FXR1: variants seen among roughly 807,000 people sequenced by gnomAD.
FXR1 encodes FMR1 autosomal homolog 1.
In FXR1, 15 loss-of-function variants were observed where a neutral mutation model predicts 84.0. The ratio of observed to expected loss-of-function variants is 0.18; its 90% CI spans 0.12 to 0.27. FXR1 has a LOEUF of 0.27. FXR1 is among the 10% of genes least tolerant of loss of function. The pLI is 1.00. For synonymous variants in FXR1, 245 were observed against 250.7 expected (o/e 0.98, Z 0.21); for missense variants, 480 against 774.4 (o/e 0.62, Z 4.51).
At chr3:180,922,730 A>T (rs1487110997) in intron 1 of FXR1, among the ~76,000 whole-genome samples, 2 of 152,150 alleles carry the variant, frequency 1.3e-5, no homozygotes, top group African/African-American at 4.8e-5. Context: ...CTCCTGCCTC[A>T]GCCTCTGGAG....
At chr3:180,942,889 G>GTTCC (rs1721283577) in intron 3 of FXR1, among the ~76,000 whole-genome samples, 1 of 152,170 alleles carries the variant, frequency 6.6e-6, no homozygotes, top group African/African-American at 2.4e-5. Flanking sequence ...TTATTGAAGT[G>GTTCC]ATATTTTATT....
intron 13 of FXR1, among the ~76,000 whole-genome samples, chr3:180,964,328 T>C (rs1460983237): frequency 6.6e-6 from 1 of 152,180 alleles, no homozygotes; most frequent in East Asian, 1.9e-4. Flanking sequence ...ATTATTAGCA[T>C]AGATAATCAG....
At chr3:180,947,629 C>G (rs563733888) in intron 3 of FXR1, among the ~76,000 whole-genome samples, 10 of 152,106 alleles carry the variant, frequency 6.6e-5, no homozygotes, top group Admixed American at 3.3e-4. Context: ...TTTAGTAAAC[C>G]TCATGAATAT....
In FXR1 at chr3:180,962,876, A is replaced by G. The variant is rs757420130; in HGVS notation, c.1078-7A>G. 3.2e-6 allele frequency: 5 copies of G among 1,587,004 alleles called. No individual in the cohort carries two copies. The highest frequency in any genetic ancestry group is 3.4e-6 in the Non-Finnish European group (4 of 1,159,904). On this transcript the variant is annotated splice_region_variant and splice_polypyrimidine_tract_variant and intron_variant, in intron 11 of 16. Coordinates refer to ENST00000357559, the MANE Select transcript of FXR1 (RefSeq NM_005087.4). Reference sequence around the variant, plus strand: ...AGAAGACTTACTCTTTTTTGTTTTGATTGTAGGAAGTAGAACAGCTAAGAA... The same window carrying G: ...AGAAGACTTACTCTTTTTTGTTTTGGTTGTAGGAAGTAGAACAGCTAAGAA...
At position 180,936,668 on chromosome 3, in the gene FXR1, A is replaced by G. The variant is rs114861634; in HGVS notation, c.198+1437A>G. 5.6e-3 allele frequency among the ~76,000 whole-genome samples: 855 copies of G among 152,322 alleles called. 2 individuals are homozygous for G. Among genetic ancestry groups the G allele is most frequent in the Non-Finnish European group, 8.0e-3 (545 of 68,028 alleles). On this transcript the variant is annotated intron_variant, in intron 3 of 16. Transcript: ENST00000357559. ...CTTCAATCCCTGACAACCTTAACTT[A>G]GTGTACCCACTTTGGTGGAAGTCAA...
chr3:180,945,841 A>G (rs1030510999), intron 3 of FXR1, among the ~76,000 whole-genome samples: 12 of 152,248 alleles, frequency 7.9e-5, no homozygotes, highest in African/African-American at 2.2e-4. Flanking sequence ...AATACACATC[A>G]TCTTTCCCTC....
chr3:180,923,552 C>A (rs972784025), intron 1 of FXR1, among the ~76,000 whole-genome samples: 1 of 151,782 alleles, frequency 6.6e-6, no homozygotes, highest in Admixed American at 6.6e-5. Flanking sequence ...TTTATATAAT[C>A]TGTTAACTAT....
At chr3:180,932,664 C>A (rs971621462) in intron 1 of FXR1, among the ~76,000 whole-genome samples, 1 of 152,026 alleles carries the variant, frequency 6.6e-6, no homozygotes, top group Non-Finnish European at 1.5e-5. Context: ...CCAACATAAT[C>A]GTGAACAGTG....
Position 180,977,774 on chromosome 3 carries a change from T to C in FXR1, c.*1482T>C, listed in dbSNP as rs1714372790. On this transcript the variant is annotated 3_prime_UTR_variant, in exon 17 of 17. Transcript: ENST00000357559. ...GTGTGCATAGTTTGTGTTAATTTTT[T>C]ATGTGCATAAAAATGTGATTTTAAT... 6.6e-6 allele frequency: 1 copy of C among 152,148 alleles called. No individual in the cohort carries two copies. The highest frequency in any genetic ancestry group is 2.4e-5 in the African/African-American group (1 of 41,448). The allele number at this position is 152,148 out of a possible 1,614,324, so 9.4% of individuals were successfully genotyped here.
In FXR1 at chr3:180,979,677, A is replaced by G. The variant is rs114677034; in HGVS notation, c.*3385A>G. ...CAGGAGCTTTTGCAATAAAGCAGTA[A>G]CTGCAATCTGCTAAAGTCAGACTGT... On this transcript the variant is annotated 3_prime_UTR_variant, in exon 17 of 17. Transcript: ENST00000357559. The G allele has an allele frequency of 6.6e-6, 1 of 152,064 alleles. No individual in the cohort carries two copies. The highest frequency in any genetic ancestry group is 2.4e-5 in the African/African-American group (1 of 41,434). The allele number at this position is 152,064 out of a possible 1,614,324, so 9.4% of individuals were successfully genotyped here.
intron 10 of FXR1, among the ~76,000 whole-genome samples, chr3:180,959,939 TTA>T (rs1422782825): frequency 3.3e-5 from 5 of 152,172 alleles, no homozygotes; most frequent in Non-Finnish European, 5.9e-5. Flanking sequence ...TAAACCACGC[TTA>T]GTTTCATATT....
rs1714629909 is a variant in FXR1, at chr3:180,981,957, A to G, written c.*5665A>G. On this transcript the variant is annotated 3_prime_UTR_variant, in exon 17 of 17. Transcript: ENST00000357559. Reference sequence around the variant, plus strand: ...CTTTAAAATATATCTGGAAGCACCAATGAGTAAAGACAAAGGCCCCAAGCT... The same window carrying G: ...CTTTAAAATATATCTGGAAGCACCAGTGAGTAAAGACAAAGGCCCCAAGCT... The G allele has an allele frequency of 6.6e-6, 1 of 152,042 alleles. No individual in the cohort carries two copies. The highest frequency in any genetic ancestry group is 2.1e-4 in the South Asian group (1 of 4,830). 9.4% of individuals were successfully genotyped at this position (152,042 alleles called of 1,614,324 possible).
chr3:180,962,959 C>T lies in FXR1; in HGVS notation c.1135+19C>T. 1 of 1,611,638 alleles carries T rather than the reference C, an allele frequency of 6.2e-7. No individual in the cohort carries two copies. The highest frequency in any genetic ancestry group is 8.5e-7 in the Non-Finnish European group (1 of 1,177,764). On this transcript the variant is annotated intron_variant, in intron 12 of 16. Coordinates refer to ENST00000357559, the MANE Select transcript of FXR1 (RefSeq NM_005087.4). ...CAGATTGGTATGGGTTTCAGACCTT[C>T]TTCCACCAGAGGGCCTGAAAAAGAG...
intron 1 of FXR1, among the ~76,000 whole-genome samples, chr3:180,919,636 TA>T (rs1183019484): frequency 2.0e-5 from 3 of 151,718 alleles, no homozygotes; most frequent in Non-Finnish European, 4.4e-5. Flanking sequence ...TATATTAGGT[TA>T]AATAATATTG....
intron 14 of FXR1, among the ~76,000 whole-genome samples, chr3:180,968,622 G>A (rs1713142472): frequency 6.6e-6 from 1 of 152,124 alleles, no homozygotes; most frequent in Non-Finnish European, 1.5e-5. Flanking sequence ...TGCACAGAGA[G>A]ATGTCAGTAC....
At chr3:180,948,646 C>A in intron 5 of FXR1, 75 bp from the exon 6 acceptor site, 1 of 964,380 alleles carries the variant, frequency 1.0e-6, no homozygotes, top group South Asian at 1.4e-5. Context: ...AAATGAAACA[C>A]TGACTTTGTA....
Position 180,977,206 on chromosome 3 carries a change from T to C in FXR1, c.*914T>C, listed in dbSNP as rs1335893286. 6.6e-6 allele frequency: 1 copy of C among 152,492 alleles called. No individual in the cohort carries two copies. Among genetic ancestry groups the C allele is most frequent in the East Asian group, 1.9e-4 (1 of 5,196 alleles). The allele number at this position is 152,492 out of a possible 1,614,324, so 9.4% of individuals were successfully genotyped here. On this transcript the variant is annotated 3_prime_UTR_variant, in exon 17 of 17. Transcript: ENST00000357559. Reference sequence around the variant, plus strand: ...TTTTACACCAATTGTTGCAAAATAGTTGGAGCTATTAATAGGCTTAGGATA... The same window carrying C: ...TTTTACACCAATTGTTGCAAAATAGCTGGAGCTATTAATAGGCTTAGGATA...
intron 14 of FXR1, among the ~76,000 whole-genome samples, chr3:180,969,532 G>A (rs1164291271): frequency 6.6e-6 from 1 of 152,144 alleles, no homozygotes; most frequent in Non-Finnish European, 1.5e-5. Context: ...TAAAGATGGA[G>A]TACTAGTCAG....
intron 8 of FXR1, 100 bp downstream of exon 8, chr3:180,951,568 A>T: frequency 1.1e-6 from 1 of 871,946 alleles, no homozygotes; most frequent in Middle Eastern, 2.6e-4. Context: ...AACATTTTTG[A>T]GGTAGAATTT....
Sources: gnomAD v4.1 joint callset for allele counts (sites outside exome capture counted in the v4.1 genomes callset) on GRCh38, gnomAD v4.1.1 for gene constraint, MANE v1.5 for transcripts, NCBI Gene and HGNC (gene_info 2026-07-23, HGNC 2026-07-21) for gene names.